The following HTR2C variants were observed in gnomAD, a reference collection of about 807,000 sequenced individuals.
The protein encoded by HTR2C is 5-hydroxytryptamine (serotonin) receptor 2C, G protein-coupled.
A neutral mutation model predicts 21.0 loss-of-function variants in HTR2C; 5 were observed. The ratio of observed to expected loss-of-function variants is 0.24; its 90% CI spans 0.12 to 0.50. The LOEUF (loss-of-function observed/expected upper bound fraction) is 0.50, where lower values mean the gene tolerates loss of function less well. Among genes scored for constraint, HTR2C ranks in the 20% least tolerant of loss-of-function variants. HTR2C has a pLI of 0.98. For synonymous variants in HTR2C, 150 were observed against 145.3 expected (o/e 1.03, Z -0.23); for missense variants, 271 against 371.2 (o/e 0.73, Z 2.22).
chrX:114,851,178 A>G (rs1556469151), intron 5 of HTR2C, among the ~76,000 whole-genome samples: 4 of 111,967 alleles, frequency 3.6e-5, no homozygotes, highest in Non-Finnish European at 1.9e-5. Context: ...ATAAGATCTT[A>G]GCACATCCTT....
intron 4 of HTR2C, among the ~76,000 whole-genome samples, chrX:114,751,331 A>G (rs1307161589): frequency 5.4e-5 from 6 of 112,071 alleles, no homozygotes; most frequent in African/African-American, 1.9e-4. Context: ...CATTTAGGCA[A>G]TAACTTGCCC....
intron 4 of HTR2C, among the ~76,000 whole-genome samples, chrX:114,763,022 G>A (rs1403922132): frequency 8.9e-6 from 1 of 111,829 alleles, no homozygotes; most frequent in Non-Finnish European, 1.9e-5. Context: ...AATTATTCTG[G>A]GCTTTCATGG....
chrX:114,831,406 G>T (rs1175026899), intron 4 of HTR2C, among the ~76,000 whole-genome samples: 2 of 97,194 alleles, frequency 2.1e-5, no homozygotes, highest in African/African-American at 7.3e-5. Context: ...GGTGTGAGAT[G>T]GTATCTCCTA....
intron 2 of HTR2C, among the ~76,000 whole-genome samples, chrX:114,685,568 A>C: frequency 8.9e-6 from 1 of 111,770 alleles, no homozygotes; most frequent in Middle Eastern, 4.6e-3. Context: ...TAACATATAA[A>C]CCTGAAATTA....
At chrX:114,876,418 C>CTTTT (rs1316711060) in intron 5 of HTR2C, among the ~76,000 whole-genome samples, 1 of 35,233 alleles carries the variant, frequency 2.8e-5, no homozygotes, top group Admixed American at 4.9e-4. Context: ...CTTTCTTTTT[C>CTTTT]TTTCTTTTTT....
chrX:114,901,132 A>G (rs2071334208), intron 5 of HTR2C, among the ~76,000 whole-genome samples: 1 of 112,603 alleles, frequency 8.9e-6, no homozygotes, highest in African/African-American at 3.2e-5. Flanking sequence ...TATGGGTTGT[A>G]TGAAGCATCA....
At chrX:114,840,125 A>G (rs1334330565) in intron 4 of HTR2C, among the ~76,000 whole-genome samples, 2 of 111,290 alleles carry the variant, frequency 1.8e-5, no homozygotes, top group Admixed American at 1.9e-4. Context: ...AGAAACAGGG[A>G]AAGACAACTC....
chrX:114,697,092 C>T (rs1386152553), intron 2 of HTR2C, among the ~76,000 whole-genome samples: 1 of 111,909 alleles, frequency 8.9e-6, no homozygotes, highest in Non-Finnish European at 1.9e-5. Context: ...ATTTCCTTTC[C>T]ATGATCTGAC....
chrX:114,819,910 T>C (rs1337216886), intron 4 of HTR2C, among the ~76,000 whole-genome samples: 1 of 112,373 alleles, frequency 8.9e-6, no homozygotes, highest in Non-Finnish European at 1.9e-5. Context: ...TGATTTAACC[T>C]TTGCCTGGCA....
At chrX:114,766,270 T>C (rs1233352294) in intron 4 of HTR2C, among the ~76,000 whole-genome samples, 1 of 111,873 alleles carries the variant, frequency 8.9e-6, no homozygotes, top group African/African-American at 3.2e-5. Context: ...CTTTTGTCAA[T>C]GATAGGGAGA....
chrX:114,725,402 T>A (rs1463533774), intron 2 of HTR2C, among the ~76,000 whole-genome samples: 1 of 111,175 alleles, frequency 9.0e-6, no homozygotes, highest in Non-Finnish European at 1.9e-5. Context: ...TTGGTTATTC[T>A]AGTTATACAT....
At chrX:114,648,264 T>G (rs1293770234) in intron 2 of HTR2C, among the ~76,000 whole-genome samples, 4 of 111,179 alleles carry the variant, frequency 3.6e-5, no homozygotes, top group African/African-American at 6.6e-5. Flanking sequence ...AGTTCTCAAA[T>G]GAAGATCTTA....
At chrX:114,804,288 C>T (rs1284874241) in intron 4 of HTR2C, among the ~76,000 whole-genome samples, 3 of 111,401 alleles carry the variant, frequency 2.7e-5, no homozygotes, top group South Asian at 3.7e-4. Flanking sequence ...TGTACAATGC[C>T]GAACTAACAG....
intron 2 of HTR2C, among the ~76,000 whole-genome samples, chrX:114,671,420 T>A (rs1227304497): frequency 8.9e-6 from 1 of 112,282 alleles, no homozygotes; most frequent in Non-Finnish European, 1.9e-5. Context: ...TGACAAATAT[T>A]GAAATGAGCA....
chrX:114,725,758 T>G (rs1486784108), intron 2 of HTR2C, among the ~76,000 whole-genome samples: 7 of 109,623 alleles, frequency 6.4e-5, no homozygotes, highest in Admixed American at 2.9e-4. Context: ...CTGCAGGTCT[T>G]TTGGAGTACC....
chrX:114,679,906 T>C (rs1325829646), intron 2 of HTR2C, among the ~76,000 whole-genome samples: 1 of 112,079 alleles, frequency 8.9e-6, no homozygotes, highest in African/African-American at 3.2e-5. Flanking sequence ...AATAATGTTT[T>C]CTTGGTTACT....
At chrX:114,641,047 TCTTTCTTTTTTTCTTTTC>T (rs1249524082) in intron 2 of HTR2C, among the ~76,000 whole-genome samples, 2 of 102,635 alleles carry the variant, frequency 1.9e-5, no homozygotes, top group African/African-American at 7.6e-5. Flanking sequence ...TTTCTTTCTT[TCTTTCTTTTTTTCTTTTC>T]TTTTCTTTTC....
At chrX:114,764,904 TTTC>T (rs1556434018) in intron 4 of HTR2C, among the ~76,000 whole-genome samples, 10 of 68,346 alleles carry the variant, frequency 1.5e-4, no homozygotes, top group African/African-American at 4.7e-4. Context: ...TCTTTCTTTC[TTTC>T]TTTCTTTCTT....
At chrX:114,727,047 G>A (rs782239506) in intron 3 of HTR2C, 76 bp downstream of exon 3, 1 of 585,643 alleles carries the variant, frequency 1.7e-6, no homozygotes, top group African/African-American at 2.4e-5. Flanking sequence ...TTAAAAAAAT[G>A]CTTCTATATG....
Sources: allele counts gnomAD v4.1 joint callset (sites outside exome capture counted in the v4.1 genomes callset), GRCh38; gene constraint gnomAD v4.1.1; transcripts MANE v1.5; gene names NCBI Gene and HGNC (gene_info 2026-07-23, HGNC 2026-07-21).